Variants in FRAS1 observed in about 807,000 individuals in gnomAD.
FRAS1 encodes the protein Fraser extracellular matrix complex subunit 1.
FRAS1 carries 290 observed loss-of-function variants against 435.2 expected under a neutral mutation model. The ratio of observed to expected loss-of-function variants is 0.67; its 90% CI spans 0.61 to 0.73. The LOEUF (loss-of-function observed/expected upper bound fraction) is 0.73, where lower values mean the gene tolerates loss of function less well. Among genes scored for constraint, FRAS1 ranks in the 30% least tolerant of loss-of-function variants. The pLI is 0.00. For synonymous variants in FRAS1, 1,800 were observed against 1,851.0 expected, an observed-to-expected ratio of 0.97 and a Z score of 0.71; for missense variants, 4,860 against 5,001.5, an observed-to-expected ratio of 0.97 and a Z score of 0.85.
In FRAS1 at chr4:78,534,560, C is replaced by A. The variant is rs4975070; in HGVS notation, c.11037C>A (p.Pro3679=). The A allele has an allele frequency of 1.2e-6, 2 of 1,613,078 alleles. No homozygotes were observed. Among genetic ancestry groups the A allele is most frequent in the South Asian group, 1.1e-5 (1 of 91,046 alleles). Residue 3679 remains proline (P), a synonymous_variant, in exon 71 of 74, where the codon CCC becomes CCA. Transcript: ENST00000512123. ...ATGAGAAGGTGTTCCTAATGGATCCCAATACATCTGATATGTCACTAGCAG... is the reference window on the plus strand; with the variant it reads ...ATGAGAAGGTGTTCCTAATGGATCCAAATACATCTGATATGTCACTAGCAG... ...CNNEKVFLMD[P]NTSDMSLAEM...
Position 78,057,864 on chromosome 4 carries a change from C to A in FRAS1, c.-146C>A, listed in dbSNP as rs997228060. The A allele has an allele frequency of 3.0e-5, 20 of 675,828 alleles. No homozygotes were observed. The South Asian group carries it at 3.4e-4, about 12-fold the overall frequency. 41.9% of individuals were successfully genotyped at this position (675,828 alleles called of 1,614,324 possible). A position where few individuals can be genotyped will look rare whatever the true frequency, so the allele number is the denominator to read the frequency against. ...GGGCTGATGAGTGTCGCTCTCCGCCCGTCCATCTCTTTTTCCCGGAGGTAA... is the reference window on the plus strand; with the variant it reads ...GGGCTGATGAGTGTCGCTCTCCGCCAGTCCATCTCTTTTTCCCGGAGGTAA... On this transcript the variant is annotated 5_prime_UTR_variant, in exon 1 of 74. Coordinates refer to ENST00000512123, the MANE Select transcript of FRAS1 (RefSeq NM_025074.7). The surrounding 1 kb of genome is among the most constrained non-coding windows in gnomAD (Gnocchi z 4.2).
chr4:78,459,449 A>C (rs765705873), intron 47 of FRAS1, among the ~76,000 whole-genome samples: 12 of 152,254 alleles, frequency 7.9e-5, no homozygotes, highest in Non-Finnish European at 1.3e-4. Flanking sequence ...GGGGGAGCCC[A>C]AAGCATGCAT....
At chr4:78,263,429 TC>T (rs1726209771) in intron 6 of FRAS1, among the ~76,000 whole-genome samples, 1 of 152,170 alleles carries the variant, frequency 6.6e-6, no homozygotes. Flanking sequence ...AATACCTCCC[TC>T]CCTGCATACG....
chr4:78,405,755 C>T (rs982397896), intron 30 of FRAS1, among the ~76,000 whole-genome samples: 53 of 152,212 alleles, frequency 3.5e-4, no homozygotes, highest in African/African-American at 1.2e-3. Flanking sequence ...CTCCCTCTTC[C>T]TCACCCTCTC....
rs1251850565 is a variant in FRAS1 at position 78,367,956 on chromosome 4, T to C, written c.2723-1882T>C. On this transcript the variant is annotated intron_variant, in intron 22 of 73. Coordinates refer to ENST00000512123, the MANE Select transcript of FRAS1 (RefSeq NM_025074.7). Reference sequence around the variant, plus strand: ...AATTAAGGCCTAATTAATGTGATACTCTGCTGTGGACCTATTTTTATCAAT... The same window carrying C: ...AATTAAGGCCTAATTAATGTGATACCCTGCTGTGGACCTATTTTTATCAAT... 2.0e-5 allele frequency among the ~76,000 whole-genome samples: 3 copies of C among 152,222 alleles called. No homozygotes were observed. The East Asian group carries it at 5.8e-4, about 29-fold the overall frequency.
chr4:78,260,783 G>A (rs964475187), intron 6 of FRAS1, among the ~76,000 whole-genome samples: 5 of 152,126 alleles, frequency 3.3e-5, no homozygotes, highest in African/African-American at 1.2e-4. Context: ...TCTTGTGCCA[G>A]TTTTCAAAGG....
At chr4:78,334,751 A>G (rs1012656425) in intron 19 of FRAS1, among the ~76,000 whole-genome samples, 6 of 151,356 alleles carry the variant, frequency 4.0e-5, no homozygotes, top group Non-Finnish European at 8.8e-5. Context: ...GCTGCATATT[A>G]TTCTATTTCT....
At position 78,462,336 on chromosome 4, in the gene FRAS1, C is replaced by T. The variant is rs188516713; in HGVS notation, c.6764-1685C>T. 2.4e-3 allele frequency among the ~76,000 whole-genome samples: 366 copies of T among 151,932 alleles called. 2 individuals carry two copies. The highest frequency in any genetic ancestry group is 7.3e-3 in the Admixed American group (111 of 15,260). ...GTTGCAGTGAGCTAAGATTGTGTCA[C>T]TGCACTCCAGCCTGGGCAACAAAGT... On this transcript the variant is annotated intron_variant, in intron 47 of 73. Coordinates refer to ENST00000512123, the MANE Select transcript of FRAS1 (RefSeq NM_025074.7).
At chr4:78,221,286 AT>A (rs965894703) in intron 2 of FRAS1, among the ~76,000 whole-genome samples, 11 of 152,274 alleles carry the variant, frequency 7.2e-5, no homozygotes, top group Admixed American at 3.9e-4. Context: ...GTATTGTAAG[AT>A]TTTTTTCCTC....
intron 1 of FRAS1, among the ~76,000 whole-genome samples, chr4:78,064,060 T>C (rs1467333869): frequency 2.0e-5 from 3 of 152,008 alleles, no homozygotes; most frequent in African/African-American, 7.2e-5. Context: ...TACACATATA[T>C]ATATTTCCTT....
rs1198675197 is a variant in FRAS1, at chr4:78,337,769, A to G, written c.2374A>G (p.Thr792Ala). Residue 792 changes from threonine to alanine, a missense_variant, in exon 20 of 74, where the codon ACC (threonine) becomes GCC (alanine). Coordinates refer to ENST00000512123, the MANE Select transcript of FRAS1 (RefSeq NM_025074.7). ...HISLTNGNCRTSCREEQFLNL... is the reference protein window; with the variant it reads ...HISLTNGNCRASCREEQFLNL... Reference sequence around the variant, plus strand: ...CTCTCTTACCAATGGTAACTGCAGGACCAGCTGCAGGGAAGAGCAGTTCCT... The same window carrying G: ...CTCTCTTACCAATGGTAACTGCAGGGCCAGCTGCAGGGAAGAGCAGTTCCT... 7.4e-6 allele frequency: 12 copies of G among 1,613,704 alleles called. No individual in the cohort carries two copies. The highest frequency in any genetic ancestry group is 3.3e-4 in the Middle Eastern group (2 of 6,084).
chr4:78,170,553 A>G (rs1209956326), intron 2 of FRAS1, among the ~76,000 whole-genome samples: 1 of 152,118 alleles, frequency 6.6e-6, no homozygotes, highest in African/African-American at 2.4e-5. Context: ...CATCTCTCAC[A>G]GATTGTACAG....
chr4:78,117,153 A>G (rs1718643453), intron 2 of FRAS1, among the ~76,000 whole-genome samples: 1 of 152,210 alleles, frequency 6.6e-6, no homozygotes, highest in Non-Finnish European at 1.5e-5. Flanking sequence ...AATGTTGAAT[A>G]TTGGCCCCCA....
At chr4:78,257,898 A>C (rs1216596971) in intron 6 of FRAS1, among the ~76,000 whole-genome samples, 1 of 152,190 alleles carries the variant, frequency 6.6e-6, no homozygotes, top group African/African-American at 2.4e-5. Flanking sequence ...CAGAGCCATA[A>C]CCATAACCCT....
At chr4:78,397,290 G>C (rs1370368627) in intron 29 of FRAS1, among the ~76,000 whole-genome samples, 1 of 152,090 alleles carries the variant, frequency 6.6e-6, no homozygotes, top group Non-Finnish European at 1.5e-5. Flanking sequence ...CCCCCTTCAG[G>C]GGCAGTCTTA....
chr4:78,124,043 T>C (rs1466177453), intron 2 of FRAS1, among the ~76,000 whole-genome samples: 1 of 152,232 alleles, frequency 6.6e-6, no homozygotes, highest in Non-Finnish European at 1.5e-5. Flanking sequence ...GGTATCCTTG[T>C]CTTGTGCCAG....
At chr4:78,075,562 G>T (rs1269781901) in intron 2 of FRAS1, among the ~76,000 whole-genome samples, 1 of 152,196 alleles carries the variant, frequency 6.6e-6, no homozygotes, top group Non-Finnish European at 1.5e-5. Flanking sequence ...CCATGGTGAA[G>T]TGGCAGAGCT....
At chr4:78,356,749 T>C (rs906123591) in intron 20 of FRAS1, among the ~76,000 whole-genome samples, 5 of 151,442 alleles carry the variant, frequency 3.3e-5, no homozygotes, top group Non-Finnish European at 5.9e-5. Context: ...TTTCTTAGAT[T>C]GTTAGTTTTC....
At chr4:78,188,267 G>GTC (rs1465666159) in intron 2 of FRAS1, among the ~76,000 whole-genome samples, 3 of 99,790 alleles carry the variant, frequency 3.0e-5, no homozygotes, top group African/African-American at 7.3e-5. Flanking sequence ...CAGTAGGACA[G>GTC]TCTATCTGTC....
Sources: allele counts gnomAD v4.1 joint callset (sites outside exome capture counted in the v4.1 genomes callset), GRCh38; gene constraint gnomAD v4.1.1; non-coding constraint Gnocchi (gnomAD v3.1); transcripts MANE v1.5; gene names NCBI Gene and HGNC (gene_info 2026-07-23, HGNC 2026-07-21).